DCDC1: variants seen among roughly 807,000 people sequenced by gnomAD.
DCDC1 encodes the protein doublecortin domain containing 1, also known as doublecortin domain-containing protein 1.
DCDC1 carries 200 observed loss-of-function variants against 178.3 expected under a neutral mutation model. That is an observed-to-expected ratio of 1.12 (90% CI 1.00 to 1.26). The LOEUF (loss-of-function observed/expected upper bound fraction) is 1.26. DCDC1 is among the 50% of genes most tolerant of loss of function. The pLI, the probability that DCDC1 is intolerant of heterozygous loss-of-function variation, is 0.00. For missense variants in DCDC1, 1,983 were observed against 1,749.2 expected (o/e 1.13, Z -2.38); for synonymous variants, 690 against 604.8 (o/e 1.14, Z -2.07).
chr11:31,239,548 TTTC>T (rs1278136157), intron 9 of DCDC1, among the ~76,000 whole-genome samples: 4 of 152,004 alleles, frequency 2.6e-5, no homozygotes, highest in Non-Finnish European at 4.4e-5. Context: ...TCTGCTTATT[TTTC>T]TTCATTTTTA....
intron 20 of DCDC1, chr11:30,992,396 A>T (rs1325867250): frequency 6.6e-6 from 1 of 152,214 alleles, no homozygotes; most frequent in Non-Finnish European, 1.5e-5. Context: ...GAAAGATCTG[A>T]CTTCCAAGGA....
intron 20 of DCDC1, among the ~76,000 whole-genome samples, chr11:31,027,027 TA>T (rs1953288857): frequency 6.6e-6 from 1 of 151,686 alleles, no homozygotes; most frequent in Admixed American, 6.6e-5. Flanking sequence ...GCATACTTCC[TA>T]AATTTCCCAT....
intron 7 of DCDC1, among the ~76,000 whole-genome samples, chr11:31,276,638 A>T (rs1946013878): frequency 6.6e-6 from 1 of 152,176 alleles, no homozygotes; most frequent in East Asian, 1.9e-4. Context: ...ATGCCAGAAG[A>T]TTGGGCTAAA....
At chr11:31,333,235 G>A (rs991420530) in intron 2 of DCDC1, among the ~76,000 whole-genome samples, 1 of 151,938 alleles carries the variant, frequency 6.6e-6, no homozygotes, top group Non-Finnish European at 1.5e-5. Flanking sequence ...CATTTGCTTG[G>A]TAGATCTCCC....
At chr11:31,272,503 A>G (rs1458247460) in intron 7 of DCDC1, among the ~76,000 whole-genome samples, 1 of 152,230 alleles carries the variant, frequency 6.6e-6, no homozygotes, top group Admixed American at 6.5e-5. Flanking sequence ...GAGCCAGTAA[A>G]TTAAAATAAA....
At chr11:31,080,033 G>A (rs1333675293) in intron 17 of DCDC1, among the ~76,000 whole-genome samples, 1 of 152,158 alleles carries the variant, frequency 6.6e-6, no homozygotes, top group Non-Finnish European at 1.5e-5. Flanking sequence ...CTTTGACAAT[G>A]TAATTGTTGC....
intron 20 of DCDC1, among the ~76,000 whole-genome samples, chr11:30,996,050 T>C (rs978793053): frequency 6.6e-6 from 1 of 152,082 alleles, no homozygotes; most frequent in Admixed American, 6.6e-5. Flanking sequence ...CTATGTATAA[T>C]GAACTCTAAA....
At chr11:31,308,323 T>C (rs1025365522) in intron 3 of DCDC1, among the ~76,000 whole-genome samples, 5 of 152,246 alleles carry the variant, frequency 3.3e-5, no homozygotes, top group African/African-American at 1.2e-4. Flanking sequence ...AATACTTACT[T>C]AGCACTCTGC....
intron 7 of DCDC1, among the ~76,000 whole-genome samples, chr11:31,288,204 T>TA (rs1350066304): frequency 6.6e-6 from 1 of 151,938 alleles, no homozygotes; most frequent in Non-Finnish European, 1.5e-5. Context: ...ATATCAGCTA[T>TA]ATTTCATTTC....
chr11:31,111,907 G>T (rs1341323528), intron 11 of DCDC1, among the ~76,000 whole-genome samples: 3 of 152,142 alleles, frequency 2.0e-5, no homozygotes, highest in Non-Finnish European at 4.4e-5. Flanking sequence ...GCTAACCTGA[G>T]AAAGCAGAGA....
chr11:30,943,930 A>G, intron 21 of DCDC1: 1 of 239,312 alleles, frequency 4.2e-6, no homozygotes, highest in East Asian at 1.0e-4. Context: ...ATAATTCCAT[A>G]TTTCTATATT....
chr11:31,210,745 A>G (rs1025474317), intron 9 of DCDC1, among the ~76,000 whole-genome samples: 4 of 151,976 alleles, frequency 2.6e-5, no homozygotes, highest in African/African-American at 9.7e-5. Context: ...GGAAAAGAAA[A>G]GAAAAAAGAA....
At chr11:31,242,184 A>G (rs1020634368) in intron 8 of DCDC1, among the ~76,000 whole-genome samples, 1 of 151,942 alleles carries the variant, frequency 6.6e-6, no homozygotes, top group Admixed American at 6.6e-5. Context: ...CAAGCATTTT[A>G]TCATACCTTT....
At chr11:30,982,267 A>G (rs1950427698) in intron 20 of DCDC1, among the ~76,000 whole-genome samples, 1 of 152,210 alleles carries the variant, frequency 6.6e-6, no homozygotes, top group Non-Finnish European at 1.5e-5. Context: ...GTTACAAGCT[A>G]CTGAACAAAA....
intron 17 of DCDC1, among the ~76,000 whole-genome samples, chr11:31,082,881 G>T (rs1957271230): frequency 6.6e-6 from 1 of 152,098 alleles, no homozygotes; most frequent in Non-Finnish European, 1.5e-5. Context: ...AGAGGATGGG[G>T]AAAGTGATTT....
At chr11:31,130,648 C>T (rs1962312573) in intron 10 of DCDC1, among the ~76,000 whole-genome samples, 1 of 152,186 alleles carries the variant, frequency 6.6e-6, no homozygotes, top group Non-Finnish European at 1.5e-5. Flanking sequence ...CTGATAAACA[C>T]ATTGCATTCT....
chr11:31,224,260 A>G (rs1974644867), intron 9 of DCDC1, among the ~76,000 whole-genome samples: 1 of 151,996 alleles, frequency 6.6e-6, no homozygotes, highest in Non-Finnish European at 1.5e-5. Context: ...ACATATATAT[A>G]TAAGGACATC....
intron 10 of DCDC1, among the ~76,000 whole-genome samples, chr11:31,128,845 G>A (rs991022372): frequency 1.3e-5 from 2 of 152,074 alleles, no homozygotes; most frequent in Non-Finnish European, 2.9e-5. Flanking sequence ...TTGAAATCTA[G>A]GTGTTTTCTG....
intron 38 of DCDC1, among the ~76,000 whole-genome samples, chr11:30,867,351 G>A (rs961042689): frequency 6.6e-6 from 1 of 152,178 alleles, no homozygotes; most frequent in African/African-American, 2.4e-5. Context: ...TTCACTTCTT[G>A]AAAGCCCAGC....
Sources: gnomAD v4.1 joint callset for allele counts (sites outside exome capture counted in the v4.1 genomes callset) on GRCh38, gnomAD v4.1.1 for gene constraint, MANE v1.5 for transcripts, NCBI Gene and HGNC (gene_info 2026-07-23, HGNC 2026-07-21) for gene names.